OLA1: variants seen among roughly 807,000 people sequenced by gnomAD.
The protein encoded by OLA1 is Obg like ATPase 1, also known as obg-like ATPase 1.
OLA1 carries 14 observed loss-of-function variants against 48.4 expected under a neutral mutation model. The observed-to-expected ratio is 0.29, with a 90% CI of 0.19 to 0.45. OLA1 has a LOEUF of 0.45. Among genes scored for constraint, OLA1 ranks in the 20% least tolerant of loss-of-function variants. The pLI, the probability that OLA1 is intolerant of heterozygous loss-of-function variation, is 1.00. For synonymous variants in OLA1, 127 were observed against 150.4 expected (o/e 0.84, Z 1.14); for missense variants, 325 against 467.1 (o/e 0.70, Z 2.80).
chr2:174,146,522 T>C (rs1686604461), intron 4 of OLA1, among the ~76,000 whole-genome samples: 1 of 152,142 alleles, frequency 6.6e-6, no homozygotes, highest in African/African-American at 2.4e-5. Context: ...AATGAAGATA[T>C]AAAATTGACA....
intron 7 of OLA1, among the ~76,000 whole-genome samples, chr2:174,105,332 T>C (rs1685489905): frequency 6.6e-6 from 1 of 152,004 alleles, no homozygotes; most frequent in African/African-American, 2.4e-5. Context: ...AATCTTATAC[T>C]GCACATCATC....
Position 174,075,260 on chromosome 2 carries a change from G to GT in OLA1, c.*165_*166insA, listed in dbSNP as rs199610490. The GT allele has an allele frequency of 1.2e-3, 606 of 517,198 alleles. 24 individuals carry two copies. The highest frequency in any genetic ancestry group is 0.012 in the African/African-American group (567 of 49,302). The allele number at this position is 517,198 out of a possible 1,614,324, so 32.0% of individuals were successfully genotyped here. ...TAGTGAACCTGCATTTCATGGGGGGGGGGGGGTACACAGTATTTTAATTTT... is the reference window on the plus strand; with the variant it reads ...TAGTGAACCTGCATTTCATGGGGGGGTGGGGGGTACACAGTATTTTAATTTT... On this transcript the variant is annotated 3_prime_UTR_variant, in exon 11 of 11. Transcript: ENST00000284719.
At chr2:174,211,205 ACTCT>A (rs1553489724) in intron 4 of OLA1, among the ~76,000 whole-genome samples, 29 of 124,330 alleles carry the variant, frequency 2.3e-4, no homozygotes, top group African/African-American at 8.7e-4. Flanking sequence ...ACACACACAC[ACTCT>A]CTCTCTCTCT....
intron 4 of OLA1, among the ~76,000 whole-genome samples, chr2:174,157,503 T>C (rs1686915317): frequency 6.6e-6 from 1 of 152,224 alleles, no homozygotes; most frequent in Non-Finnish European, 1.5e-5. Context: ...AAACTATTTT[T>C]AATCCCATAT....
chr2:174,079,235 T>G (rs13399352), intron 9 of OLA1, 145 bp from the exon 10 acceptor site: 8,484 of 569,640 alleles, frequency 0.015, 580 homozygotes, highest in African/African-American at 0.15. Context: ...ATTAGTACAT[T>G]TTCAACACTG....
chr2:174,100,591 A>C (rs938146237), intron 7 of OLA1, among the ~76,000 whole-genome samples: 2 of 152,116 alleles, frequency 1.3e-5, no homozygotes, highest in East Asian at 3.8e-4. Flanking sequence ...CAATTTTTTA[A>C]GAGACAGAGT....
chr2:174,166,966 A>C (rs1473510214), intron 4 of OLA1, among the ~76,000 whole-genome samples: 1 of 152,156 alleles, frequency 6.6e-6, no homozygotes, highest in Non-Finnish European at 1.5e-5. Context: ...CTTAATGTCT[A>C]CTTTTGTAAT....
chr2:174,225,272 CG>C (rs1353582495), intron 3 of OLA1, among the ~76,000 whole-genome samples: 1 of 152,158 alleles, frequency 6.6e-6, no homozygotes, highest in Non-Finnish European at 1.5e-5. Flanking sequence ...CTGCCTCGTC[CG>C]GGTGCAGTGG....
At chr2:174,110,719 C>G (rs1419321818) in intron 7 of OLA1, among the ~76,000 whole-genome samples, 1 of 152,130 alleles carries the variant, frequency 6.6e-6, no homozygotes, top group Non-Finnish European at 1.5e-5. Flanking sequence ...GTAGCTGGGA[C>G]TATAGGCGCA....
At chr2:174,116,297 C>A (rs1685781192) in intron 7 of OLA1, among the ~76,000 whole-genome samples, 1 of 152,160 alleles carries the variant, frequency 6.6e-6, no homozygotes. Flanking sequence ...TCAAATTGTT[C>A]TATTTCTACT....
intron 7 of OLA1, among the ~76,000 whole-genome samples, chr2:174,092,860 A>G (rs996375616): frequency 1.3e-5 from 2 of 152,326 alleles, no homozygotes; most frequent in Non-Finnish European, 2.9e-5. Context: ...TATATAAAAA[A>G]ATCATAGTAC....
chr2:174,088,454 A>C (rs1685031887), intron 7 of OLA1, among the ~76,000 whole-genome samples: 1 of 152,228 alleles, frequency 6.6e-6, no homozygotes, highest in African/African-American at 2.4e-5. Context: ...ACTAAAATCA[A>C]TACCACAAAC....
At chr2:174,237,963 A>C (rs1053196964) in intron 2 of OLA1, among the ~76,000 whole-genome samples, 7 of 152,178 alleles carry the variant, frequency 4.6e-5, no homozygotes, top group Non-Finnish European at 5.9e-5. Context: ...GGTGATAGAA[A>C]ATTTTCACCT....
intron 4 of OLA1, among the ~76,000 whole-genome samples, chr2:174,164,382 T>TCTGCATAGTGCAGAATGGATACCATC: frequency 6.6e-6 from 1 of 152,006 alleles, no homozygotes; most frequent in Non-Finnish European, 1.5e-5. Context: ...TGGATACCAT[T>TCTGCATAGTGCAGAATGGATACCATC]CTGTTTTATG....
intron 7 of OLA1, among the ~76,000 whole-genome samples, chr2:174,090,417 C>CTAAT (rs1685087274): frequency 6.6e-6 from 1 of 152,174 alleles, no homozygotes; most frequent in Non-Finnish European, 1.5e-5. Context: ...GGAAAGAAAA[C>CTAAT]ATTAGGGTAA....
intron 4 of OLA1, among the ~76,000 whole-genome samples, chr2:174,190,699 G>A (rs1039836177): frequency 2.0e-5 from 3 of 151,906 alleles, no homozygotes; most frequent in African/African-American, 7.2e-5. Flanking sequence ...TTATCAAAGA[G>A]TAATGTGGAA....
chr2:174,215,994 C>T (rs1404295132), intron 4 of OLA1, among the ~76,000 whole-genome samples: 1 of 152,068 alleles, frequency 6.6e-6, no homozygotes, highest in African/African-American at 2.4e-5. Flanking sequence ...GGTCGCAATA[C>T]TATAAATGTT....
At chr2:174,169,456 A>G (rs1434449156) in intron 4 of OLA1, among the ~76,000 whole-genome samples, 1 of 152,238 alleles carries the variant, frequency 6.6e-6, no homozygotes, top group Non-Finnish European at 1.5e-5. Context: ...GTTTCAATTA[A>G]TCATTGACTT....
At chr2:174,129,082 A>G (rs1686113083) in intron 5 of OLA1, among the ~76,000 whole-genome samples, 1 of 152,152 alleles carries the variant, frequency 6.6e-6, no homozygotes, top group Non-Finnish European at 1.5e-5. Context: ...CCAATAAAAT[A>G]TGGTGATTGT....
Sources: allele counts gnomAD v4.1 joint callset (sites outside exome capture counted in the v4.1 genomes callset), GRCh38; gene constraint gnomAD v4.1.1; transcripts MANE v1.5; gene names NCBI Gene and HGNC (gene_info 2026-07-23, HGNC 2026-07-21).